TUT4: variants seen among roughly 807,000 people sequenced by gnomAD.
TUT4 encodes terminal uridylyl transferase 4, also known as terminal uridylyltransferase 4.
TUT4 carries 36 observed loss-of-function variants against 192.2 expected under a neutral mutation model. The ratio of observed to expected loss-of-function variants is 0.19; its 90% CI spans 0.14 to 0.25. The LOEUF (loss-of-function observed/expected upper bound fraction) is 0.25. Ranked by LOEUF, TUT4 falls within the 10% of genes least tolerant of loss-of-function variation. The pLI, the probability that TUT4 is intolerant of heterozygous loss-of-function variation, is 1.00. For missense variants in TUT4, 1,493 were observed against 1,957.2 expected, an observed-to-expected ratio of 0.76 and a Z score of 4.47; for synonymous variants, 618 against 666.0, an observed-to-expected ratio of 0.93 and a Z score of 1.11.
intron 1 of TUT4, among the ~76,000 whole-genome samples, chr1:52,536,706 T>TA (rs1458102279): frequency 4.0e-5 from 6 of 150,648 alleles, no homozygotes; most frequent in Non-Finnish European, 7.4e-5. Flanking sequence ...TACGAAAAAA[T>TA]AAGAGGGCGT....
intron 1 of TUT4, among the ~76,000 whole-genome samples, chr1:52,526,993 C>T (rs1044259028): frequency 2.6e-5 from 4 of 152,100 alleles, no homozygotes; most frequent in African/African-American, 9.7e-5. Flanking sequence ...CATTGTACTC[C>T]AGCCTGGGCA....
intron 20 of TUT4, among the ~76,000 whole-genome samples, chr1:52,450,961 C>T (rs942201166): frequency 5.3e-5 from 8 of 152,020 alleles, no homozygotes; most frequent in East Asian, 3.9e-4. Flanking sequence ...GCCTAAACAA[C>T]GATTATAATA....
At position 52,435,447 on chromosome 1, in the gene TUT4, T is replaced by C. The variant is rs200195311; in HGVS notation, c.4181A>G (p.Asn1394Ser). 3.1e-4 allele frequency: 500 copies of C among 1,614,040 alleles called. No individual in the cohort carries two copies. The highest frequency in any genetic ancestry group is 3.9e-4 in the Non-Finnish European group (465 of 1,180,008). Reference sequence around the variant, plus strand: ...AGCCACCTGTTGAGCATTTACAAGGTTGCGGACCAGCTGGGCTGCTAAGAG... The same window carrying C: ...AGCCACCTGTTGAGCATTTACAAGGCTGCGGACCAGCTGGGCTGCTAAGAG... ...SSVAAAQLVR[N>S]LVNAQQVAGS... The change falls in exon 27 of 30, where the codon AAC (asparagine) becomes AGC (serine). Residue 1394 changes from asparagine (N) to serine (S), a missense_variant. Asn to Ser is a conservative substitution (Grantham distance 46). Around this residue, in one of 7 missense-constraint regions of TUT4, gnomAD observed 351 missense variants for 397.8 expected, o/e 0.88. Transcript: ENST00000257177.
chr1:52,448,014 T>C (rs576419017), intron 20 of TUT4, among the ~76,000 whole-genome samples: 19 of 152,354 alleles, frequency 1.2e-4, no homozygotes, highest in African/African-American at 4.6e-4. Context: ...ATTAACTACA[T>C]GTCTGGCCCC....
rs192567212 is a variant in TUT4, at chr1:52,451,711, C to T, written c.3436-5044G>A. Among the ~76,000 whole-genome samples the T allele has an allele frequency of 1.2e-4, 18 of 151,868 alleles. No individual in the cohort carries two copies. In the East Asian group the frequency reaches 2.9e-3, roughly 25 times the overall value. On this transcript the variant is annotated intron_variant, in intron 20 of 29. Transcript: ENST00000257177. ...TACAAAAATGAGCCGGGTATGGTGG[C>T]GGGCACCTGTAATCCCAGGTACTCC...
chr1:52,441,232 G>A (rs1655414181), intron 24 of TUT4, among the ~76,000 whole-genome samples: 1 of 151,392 alleles, frequency 6.6e-6, no homozygotes, highest in Non-Finnish European at 1.5e-5. Flanking sequence ...AGCATCCACT[G>A]GAGTGAGAAG....
At chr1:52,497,575 T>C (rs1389080364) in intron 4 of TUT4, among the ~76,000 whole-genome samples, 2 of 152,242 alleles carry the variant, frequency 1.3e-5, no homozygotes, top group African/African-American at 4.8e-5. Context: ...CAGTATCAAG[T>C]TAAATGGTCA....
At chr1:52,482,475 T>G (rs1668720932) in intron 9 of TUT4, among the ~76,000 whole-genome samples, 1 of 152,226 alleles carries the variant, frequency 6.6e-6, no homozygotes, top group Non-Finnish European at 1.5e-5. Flanking sequence ...GGTCTTGCTC[T>G]GTAGCCCAGG....
intron 1 of TUT4, among the ~76,000 whole-genome samples, chr1:52,548,156 A>C (rs114509378): frequency 6.6e-6 from 1 of 152,166 alleles, no homozygotes; most frequent in African/African-American, 2.4e-5. Flanking sequence ...AGTTTGACTC[A>C]GAGACACCCC....
intron 2 of TUT4, among the ~76,000 whole-genome samples, chr1:52,525,128 G>C (rs1681370264): frequency 6.6e-6 from 1 of 151,620 alleles, no homozygotes; most frequent in South Asian, 2.1e-4. Flanking sequence ...AAGCTTCCTT[G>C]AAGTTTAGGG....
chr1:52,545,299 C>T (rs1687772156), intron 1 of TUT4, among the ~76,000 whole-genome samples: 5 of 151,356 alleles, frequency 3.3e-5, no homozygotes. Flanking sequence ...ATTGCTTGAG[C>T]CTGGGAGCTG....
At chr1:52,441,573 A>C (rs1192988423) in intron 24 of TUT4, among the ~76,000 whole-genome samples, 1 of 151,118 alleles carries the variant, frequency 6.6e-6, no homozygotes, top group Non-Finnish European at 1.5e-5. Flanking sequence ...GATTACAAAC[A>C]TGAGCCACCG....
chr1:52,470,126 T>C (rs540810994), intron 14 of TUT4, among the ~76,000 whole-genome samples: 76 of 152,074 alleles, frequency 5.0e-4, no homozygotes, highest in Non-Finnish European at 8.2e-4. Context: ...GCACAAAATA[T>C]ACATGCAGTG....
intron 1 of TUT4, among the ~76,000 whole-genome samples, chr1:52,538,357 T>C (rs1025079932): frequency 6.6e-6 from 1 of 152,064 alleles, no homozygotes; most frequent in African/African-American, 2.4e-5. Flanking sequence ...TGCTCTTGTT[T>C]TGGCAACTGA....
In TUT4 at chr1:52,458,246, C is replaced by T. The variant is rs878969496; in HGVS notation, c.3435+90G>A. ...TTAGGACAACCATGATGGAAAAATCCTTCATGATGACATGAACCAAGCAAA... is the reference window on the plus strand; with the variant it reads ...TTAGGACAACCATGATGGAAAAATCTTTCATGATGACATGAACCAAGCAAA... On this transcript the variant is annotated intron_variant, in intron 20 of 29. Coordinates refer to ENST00000257177, the MANE Select transcript of TUT4 (RefSeq NM_001009881.3). 2.3e-5 allele frequency: 18 copies of T among 797,164 alleles called. No individual in the cohort carries two copies. The South Asian group carries it at 4.0e-4, about 18-fold the overall frequency. The allele number at this position is 797,164 out of a possible 1,614,324, so 49.4% of individuals were successfully genotyped here. A position where few individuals can be genotyped will look rare whatever the true frequency, so the allele number is the denominator to read the frequency against.
chr1:52,459,500 G>T (rs898389515), intron 19 of TUT4, among the ~76,000 whole-genome samples: 3 of 151,558 alleles, frequency 2.0e-5, no homozygotes, highest in African/African-American at 7.3e-5. Context: ...GAGGTAGGAG[G>T]ATCAATTGAG....
Position 52,542,998 on chromosome 1 carries a change from A to AC in TUT4, c.-94+9932dup, listed in dbSNP as rs1191137246. Among the ~76,000 whole-genome samples, 2 of 151,978 alleles carry AC rather than the reference A, an allele frequency of 1.3e-5. 1 individual carries two copies. The highest frequency in any genetic ancestry group is 3.9e-4 in the East Asian group (2 of 5,182). ...TCGAACTCCTGACCTCAGGTGATCC[A>AC]CCCACCTCAGCCTCCCAAAGTGCTG... On this transcript the variant is annotated intron_variant, in intron 1 of 29. Transcript: ENST00000257177.
chr1:52,519,264 G>C (rs763752265), intron 2 of TUT4, among the ~76,000 whole-genome samples: 2 of 151,956 alleles, frequency 1.3e-5, no homozygotes, highest in African/African-American at 2.4e-5. Flanking sequence ...AGCCAAATAA[G>C]GCAGGCACAA....
At chr1:52,446,931 C>T (rs1343936279) in intron 20 of TUT4, among the ~76,000 whole-genome samples, 1 of 152,088 alleles carries the variant, frequency 6.6e-6, no homozygotes, top group South Asian at 2.1e-4. Context: ...CCTATCAAAA[C>T]ATATCCAGTC....
Sources: allele counts gnomAD v4.1 joint callset (sites outside exome capture counted in the v4.1 genomes callset), GRCh38; gene constraint gnomAD v4.1.1; regional missense constraint gnomAD v4.1.1; transcripts MANE v1.5; gene names NCBI Gene and HGNC (gene_info 2026-07-23, HGNC 2026-07-21).